The following DNAH11 variants were observed in gnomAD, a reference collection of about 807,000 sequenced individuals.
DNAH11 encodes the protein dynein axonemal heavy chain 11.
A neutral mutation model predicts 526.0 loss-of-function variants in DNAH11; 442 were observed. The observed-to-expected ratio is 0.84, with a 90% CI of 0.78 to 0.91. DNAH11 has a LOEUF of 0.91. Ranked by LOEUF, DNAH11 falls within the 40% of genes least tolerant of loss-of-function variation. DNAH11 has a pLI of 0.00. For synonymous variants in DNAH11, 2,461 were observed against 1,935.9 expected (o/e 1.27, Z -7.12); for missense variants, 6,989 against 5,448.7 (o/e 1.28, Z -8.90).
At chr7:21,711,888 G>A in intron 42 of DNAH11, 28 bp downstream of exon 42, 1 of 1,576,278 alleles carries the variant, frequency 6.3e-7, no homozygotes, top group Non-Finnish European at 8.6e-7. Context: ...TTTTATTGTA[G>A]TAAATTGTAT....
At chr7:21,843,419 C>T (rs1307765326) in intron 66 of DNAH11, among the ~76,000 whole-genome samples, 4 of 149,694 alleles carry the variant, frequency 2.7e-5, no homozygotes, top group Admixed American at 6.7e-5. Context: ...TAAGGGAAGA[C>T]AAAGGCATAT....
chr7:21,702,729 T>G lies in DNAH11; in HGVS notation c.6200T>G (p.Leu2067Arg), dbSNP rs1784116540. ...LSKQDHYDWGLRAIKSVLVVA... is the reference protein window; with the variant it reads ...LSKQDHYDWGRRAIKSVLVVA... ...TTTTAGGATCATTACGACTGGGGAC[T>G]TCGTGCTATTAAGTCTGTCTTGGTT... Residue 2067 changes from leucine to arginine, a missense_variant, in exon 37 of 82, where the codon CTT becomes CGT. Transcript: ENST00000409508. The G allele has an allele frequency of 6.2e-7, 1 of 1,613,606 alleles. No individual in the cohort carries two copies. Among genetic ancestry groups the G allele is most frequent in the Non-Finnish European group, 8.5e-7 (1 of 1,179,774 alleles).
intron 60 of DNAH11, among the ~76,000 whole-genome samples, chr7:21,788,872 T>C (rs185645048): frequency 5.6e-4 from 85 of 152,376 alleles, no homozygotes; most frequent in African/African-American, 1.9e-3. Context: ...GTTTGACTTA[T>C]ATCGCATTTT....
intron 30 of DNAH11, among the ~76,000 whole-genome samples, chr7:21,670,198 A>C (rs779152264): frequency 4.3e-4 from 66 of 151,998 alleles, no homozygotes; most frequent in Admixed American, 9.8e-4. Flanking sequence ...GGTTTTCTCT[A>C]ATTTCTCTCA....
Position 21,704,638 on chromosome 7 carries a change from G to A in DNAH11, c.6468+10G>A, listed in dbSNP as rs372175857. 1.9e-6 allele frequency: 3 copies of A among 1,582,134 alleles called. No individual in the cohort carries two copies. The highest frequency in any genetic ancestry group is 1.7e-4 in the Middle Eastern group (1 of 5,860). The stretch of plus-strand genomic sequence containing the variant: ...GAGCTTCATCCTCAAAGTAAAAGGA[G>A]CATTTGCTTTTCATGGCAGCTGTTG... On this transcript the variant is annotated intron_variant, in intron 38 of 81. Transcript: ENST00000409508.
rs767104873 is a variant in DNAH11 at position 21,591,202 on chromosome 7, C to G, written c.2292C>G (p.Asp764Glu). The G allele has an allele frequency of 6.5e-7, 1 of 1,545,730 alleles. No homozygotes were observed. Among genetic ancestry groups the G allele is most frequent in the Non-Finnish European group, 8.7e-7 (1 of 1,151,876 alleles). ...NTILKYIGNL[D>E]LLVQGYNKLK... ...TTGCTCAGTACATTGGAAATCTTGA[C>G]CTTCTTGTGCAAGGGTATAATAAAC... The change falls in exon 14 of 82, where the codon GAC becomes GAG. Residue 764 changes from aspartate (D) to glutamate (E), a missense_variant. By Grantham distance (45) the Asp-to-Glu change is conservative. Transcript: ENST00000409508.
chr7:21,680,850 T>C (rs940760190), intron 30 of DNAH11, among the ~76,000 whole-genome samples: 1 of 152,256 alleles, frequency 6.6e-6, no homozygotes, highest in African/African-American at 2.4e-5. Context: ...GGTGAATGCT[T>C]TTCTAAAGAA....
At chr7:21,895,140 A>C in intron 79 of DNAH11, 141 bp downstream of exon 79, 2 of 692,034 alleles carry the variant, frequency 2.9e-6, no homozygotes, top group Non-Finnish European at 4.8e-6. Context: ...TTCTTCCACC[A>C]ATTTCATTTG....
intron 7 of DNAH11, 32 bp downstream of exon 7, chr7:21,570,331 T>A (rs755164727): frequency 1.3e-6 from 2 of 1,550,726 alleles, no homozygotes; most frequent in Middle Eastern, 2.1e-4. Context: ...TTATTCATGT[T>A]GAAGGTGGGT....
rs568310183 is a variant in DNAH11 at position 21,624,131 on chromosome 7, A to G, written c.4500+4053A>G. Among the ~76,000 whole-genome samples the G allele has an allele frequency of 2.0e-3, 311 of 152,220 alleles. 1 individual carries two copies. The highest frequency in any genetic ancestry group is 7.1e-3 in the African/African-American group (295 of 41,548). On this transcript the variant is annotated intron_variant, in intron 25 of 81. Transcript: ENST00000409508. ...TGCAACACATGAGCTTTGAGACACA[A>G]TAACAGGTAGTACAATAGCAGGTAG...
intron 1 of DNAH11, chr7:21,543,906 G>C (rs756796408): frequency 1.8e-5 from 7 of 385,884 alleles, no homozygotes; most frequent in Non-Finnish European, 3.2e-5. Context: ...GGCGCCAGGT[G>C]GGCTTTCTGT....
chr7:21,814,347 TTATTTTTTTTTTATTTTTTTA>T (rs1789674017), intron 63 of DNAH11, among the ~76,000 whole-genome samples: 1 of 103,956 alleles, frequency 9.6e-6, no homozygotes, highest in African/African-American at 4.0e-5. Context: ...ATTTATTTAT[TTATTTTTTTTTTATTTTTTTA>T]TTTTTATTTT....
At position 21,570,238 on chromosome 7, in the gene DNAH11, T is replaced by A. The variant is rs1276359455; in HGVS notation, c.1364T>A (p.Phe455Tyr). Residue 455 changes from phenylalanine to tyrosine, a missense_variant, in exon 7 of 82, where the codon TTC (phenylalanine) becomes TAC (tyrosine). Physicochemically the swap from Phe to Tyr is conservative, Grantham distance 22 (BLOSUM62 3). Transcript: ENST00000409508. ...FMGRKLRPWD[F>Y]QSHLVFCRFD... ...GGAAGAAAGCTGAGACCATGGGATT[T>A]CCAGTCTCATCTGGTGTTTTGCAGA... 6.2e-7 allele frequency: 1 copy of A among 1,613,256 alleles called. No homozygotes were observed. Among genetic ancestry groups the A allele is most frequent in the African/African-American group, 1.3e-5 (1 of 74,926 alleles).
At chr7:21,835,761 CAAGT>C (rs756151810) in intron 65 of DNAH11, among the ~76,000 whole-genome samples, 4 of 149,602 alleles carry the variant, frequency 2.7e-5, no homozygotes, top group Non-Finnish European at 5.9e-5. Flanking sequence ...TTCTAGGCAG[CAAGT>C]AAGTAAGAGA....
chr7:21,840,745 C>T (rs1452397913), intron 65 of DNAH11, among the ~76,000 whole-genome samples: 1 of 152,054 alleles, frequency 6.6e-6, no homozygotes, highest in East Asian at 1.9e-4. Flanking sequence ...ATGAATTAAG[C>T]TGGGAGTTTT....
At chr7:21,796,848 A>C (rs1788735827) in intron 61 of DNAH11, among the ~76,000 whole-genome samples, 1 of 152,212 alleles carries the variant, frequency 6.6e-6, no homozygotes, top group Non-Finnish European at 1.5e-5. Flanking sequence ...AAATACTTAG[A>C]ATAGTGCTGG....
At chr7:21,559,208 C>A (rs541944392) in intron 3 of DNAH11, among the ~76,000 whole-genome samples, 1 of 152,296 alleles carries the variant, frequency 6.6e-6, no homozygotes, top group South Asian at 2.1e-4. Context: ...TATCACACCT[C>A]TAGCAAACCC....
At chr7:21,862,536 A>T (rs1383587363) in intron 69 of DNAH11, among the ~76,000 whole-genome samples, 2 of 152,228 alleles carry the variant, frequency 1.3e-5, no homozygotes, top group Non-Finnish European at 2.9e-5. Flanking sequence ...ATCACAAAAA[A>T]GATAAGTATG....
Position 21,749,780 on chromosome 7 carries a change from A to T in DNAH11, c.8776A>T (p.Ile2926Phe). The T allele has an allele frequency of 6.2e-7, 1 of 1,613,906 alleles. No individual in the cohort carries two copies. The highest frequency in any genetic ancestry group is 8.5e-7 in the Non-Finnish European group (1 of 1,179,814). Residue 2926 changes from isoleucine to phenylalanine, a missense_variant, in exon 53 of 82, where the codon ATT becomes TTT. Ile to Phe is a conservative substitution (Grantham distance 21, BLOSUM62 0). Coordinates refer to ENST00000409508, the MANE Select transcript of DNAH11 (RefSeq NM_001277115.2). ...TCTAGATGAGAGCTTCCTCGTGCTG[A>T]TTAATGACTTGCTGGCATCAGGTGA... is the stretch of plus-strand genomic sequence containing the variant. Reference protein sequence around the residue: ...QVLDESFLVLINDLLASGEIP... With the variant: ...QVLDESFLVLFNDLLASGEIP...
Sources: allele counts gnomAD v4.1 joint callset (sites outside exome capture counted in the v4.1 genomes callset), GRCh38; gene constraint gnomAD v4.1.1; transcripts MANE v1.5; gene names NCBI Gene and HGNC (gene_info 2026-07-23, HGNC 2026-07-21).